Variants in ETV1 observed in about 807,000 individuals in gnomAD.
The protein encoded by ETV1 is ETS variant transcription factor 1.
In ETV1, 27 loss-of-function variants were observed where a neutral mutation model predicts 62.3. That is an observed-to-expected ratio of 0.43 (90% CI 0.32 to 0.60). The LOEUF is 0.60. ETV1 is among the 20% of genes least tolerant of loss of function. ETV1 has a pLI of 0.06. For synonymous variants in ETV1, 222 were observed against 199.6 expected (o/e 1.11, Z -0.94); for missense variants, 605 against 605.8 (o/e 1.00, Z 0.01).
At chr7:13,898,414 G>A in intron 13 of ETV1, among the ~76,000 whole-genome samples, 1 of 151,884 alleles carries the variant, frequency 6.6e-6, no homozygotes, top group East Asian at 1.9e-4. Context: ...TAAAACAAAG[G>A]GTCTATAATT....
At position 13,917,790 on chromosome 7, in the gene ETV1, C is replaced by T. The variant is rs557466572; in HGVS notation, c.803-6483G>A. On this transcript the variant is annotated intron_variant, in intron 9 of 13. Transcript: ENST00000430479. ...CCATCCTGGCTAACACGGTGAAACC[C>T]CGTCTCTACTGAAAACACAAAAAAT... Among the ~76,000 whole-genome samples the T allele has an allele frequency of 1.1e-4, 17 of 151,858 alleles. No homozygotes were observed. In the East Asian group the frequency reaches 1.4e-3, roughly 12 times the overall value.
Position 13,989,142 on chromosome 7 carries a change from A to G in ETV1, c.-87-3T>C. Reference sequence around the variant, plus strand: ...TCAGGATCTGGACTTCTATCAACCTAGAGGGGAACAAGATGGCTTTTAGGC... The same window carrying G: ...TCAGGATCTGGACTTCTATCAACCTGGAGGGGAACAAGATGGCTTTTAGGC... On this transcript the variant is annotated splice_region_variant and splice_polypyrimidine_tract_variant and intron_variant, in intron 2 of 13. Coordinates refer to ENST00000430479, the MANE Select transcript of ETV1 (RefSeq NM_004956.5). 1.8e-6 allele frequency: 2 copies of G among 1,124,964 alleles called. No individual in the cohort carries two copies. Among genetic ancestry groups the G allele is most frequent in the Non-Finnish European group, 2.6e-6 (2 of 775,700 alleles). 69.7% of individuals were successfully genotyped at this position (1,124,964 alleles called of 1,614,324 possible).
chr7:13,975,562 C>CAAAAAAAAAAAAAA (rs765452116), intron 6 of ETV1, among the ~76,000 whole-genome samples: 1 of 41,150 alleles, frequency 2.4e-5, no homozygotes, highest in East Asian at 5.5e-4. Flanking sequence ...GACTCTGTCT[C>CAAAAAAAAAAAAAA]AAAAAAAAAA....
chr7:13,921,214 T>C (rs2128436212), intron 9 of ETV1, among the ~76,000 whole-genome samples: 1 of 152,230 alleles, frequency 6.6e-6, no homozygotes, highest in African/African-American at 2.4e-5. Context: ...TGTTTTGTAA[T>C]GGAATAAGGC....
intron 6 of ETV1, among the ~76,000 whole-genome samples, chr7:13,970,347 A>T (rs1414468523): frequency 1.3e-5 from 2 of 151,634 alleles, no homozygotes; most frequent in Non-Finnish European, 2.9e-5. Context: ...TACAAAAAGC[A>T]TACCCAAAAG....
intron 9 of ETV1, among the ~76,000 whole-genome samples, chr7:13,926,680 A>C (rs915218509): frequency 6.6e-6 from 1 of 152,210 alleles, no homozygotes; most frequent in Non-Finnish European, 1.5e-5. Context: ...GTACTGCTTT[A>C]TGCAGCATAA....
chr7:13,988,455 CAACCTG>C (rs1427559877), intron 3 of ETV1: 2 of 592,358 alleles, frequency 3.4e-6, no homozygotes, highest in Non-Finnish European at 5.8e-6. Context: ...AGCATCAAAA[CAACCTG>C]AAGCATTTAC....
intron 9 of ETV1, among the ~76,000 whole-genome samples, chr7:13,923,180 G>T (rs558265679): frequency 2.6e-5 from 4 of 152,140 alleles, no homozygotes; most frequent in Admixed American, 1.3e-4. Context: ...TTTTTATATG[G>T]ATGCAGAAAA....
chr7:13,923,397 A>G (rs1372636112), intron 9 of ETV1, among the ~76,000 whole-genome samples: 1 of 152,186 alleles, frequency 6.6e-6, no homozygotes, highest in Non-Finnish European at 1.5e-5. Context: ...TACAATATAA[A>G]AACATTCCTC....
intron 5 of ETV1, among the ~76,000 whole-genome samples, chr7:13,983,634 T>C (rs909118708): frequency 6.6e-6 from 1 of 151,322 alleles, no homozygotes; most frequent in Non-Finnish European, 1.5e-5. Context: ...TTTTTTTTTT[T>C]AACTACTGTG....
At chr7:13,972,423 C>A (rs377336117) in intron 6 of ETV1, among the ~76,000 whole-genome samples, 10 of 152,192 alleles carry the variant, frequency 6.6e-5, no homozygotes, top group African/African-American at 2.4e-4. Flanking sequence ...CCAAGTGAGA[C>A]CCTGTCTCAG....
chr7:13,988,858 T>G, intron 3 of ETV1, 150 bp downstream of exon 3: 1 of 1,586,420 alleles, frequency 6.3e-7, no homozygotes, highest in Non-Finnish European at 8.6e-7. Flanking sequence ...AAGACTGGGC[T>G]TCTAGAAGCA....
chr7:13,960,754 T>A (rs1012384113), intron 6 of ETV1, among the ~76,000 whole-genome samples: 1 of 152,206 alleles, frequency 6.6e-6, no homozygotes, highest in Non-Finnish European at 1.5e-5. Context: ...AACTAGAACC[T>A]ATTTTTCTTA....
At chr7:13,915,434 A>C (rs945158936) in intron 9 of ETV1, among the ~76,000 whole-genome samples, 1 of 152,262 alleles carries the variant, frequency 6.6e-6, no homozygotes, top group Admixed American at 6.5e-5. Context: ...AAGAATTAAT[A>C]TCACCAATCT....
chr7:13,989,325 A>T lies in ETV1; in HGVS notation c.-145T>A. ...TTTACATATTTTCGGTAGTAGCAAAAATCCGAACAAGAGGCGATGTATTTA... is the reference window on the plus strand; with the variant it reads ...TTTACATATTTTCGGTAGTAGCAAATATCCGAACAAGAGGCGATGTATTTA... On this transcript the variant is annotated 5_prime_UTR_variant, in exon 2 of 14. Coordinates refer to ENST00000430479, the MANE Select transcript of ETV1 (RefSeq NM_004956.5). 2.0e-6 allele frequency: 1 copy of T among 501,140 alleles called. No individual in the cohort carries two copies. Among genetic ancestry groups the T allele is most frequent in the South Asian group, 3.5e-5 (1 of 28,928 alleles). The allele number at this position is 501,140 out of a possible 1,614,324, so 31.0% of individuals were successfully genotyped here. A position where few individuals can be genotyped will look rare whatever the true frequency, so the allele number is the denominator to read the frequency against.
chr7:13,921,276 C>T (rs1284903346), intron 9 of ETV1, among the ~76,000 whole-genome samples: 1 of 152,112 alleles, frequency 6.6e-6, no homozygotes, highest in Non-Finnish European at 1.5e-5. Flanking sequence ...GGCCAAAGTT[C>T]ATGGAATCAT....
intron 9 of ETV1, among the ~76,000 whole-genome samples, chr7:13,919,718 C>A (rs1784612695): frequency 6.6e-6 from 1 of 151,894 alleles, no homozygotes; most frequent in Non-Finnish European, 1.5e-5. Context: ...TTTCCTCAAA[C>A]CTATTAGTTA....
intron 6 of ETV1, among the ~76,000 whole-genome samples, chr7:13,970,130 G>A (rs1303251230): frequency 3.3e-5 from 5 of 151,644 alleles, no homozygotes; most frequent in East Asian, 2.0e-4. Flanking sequence ...GCGTGGTGGC[G>A]GGCGCCTGTG....
At chr7:13,948,238 G>A (rs74465030) in intron 6 of ETV1, among the ~76,000 whole-genome samples, 7,664 of 152,222 alleles carry the variant, frequency 0.05, 521 homozygotes, top group African/African-American at 0.16. Flanking sequence ...TGTGGACAGC[G>A]AAAGTAAATA....
Sources: allele counts gnomAD v4.1 joint callset (sites outside exome capture counted in the v4.1 genomes callset), GRCh38; gene constraint gnomAD v4.1.1; transcripts MANE v1.5; gene names NCBI Gene and HGNC (gene_info 2026-07-23, HGNC 2026-07-21).